Variants in CLUAP1 observed in about 807,000 individuals in gnomAD.
The protein encoded by CLUAP1 is intraflagellar transport 38, also known as clusterin-associated protein 1.
In CLUAP1, 50 loss-of-function variants were observed where a neutral mutation model predicts 55.0. The ratio of observed to expected loss-of-function variants is 0.91; its 90% confidence interval spans 0.72 to 1.15. The LOEUF (loss-of-function observed/expected upper bound fraction) is 1.15. Ranked by LOEUF, CLUAP1 falls within the 50% of genes most tolerant of loss-of-function variation. The pLI is 0.00. For missense variants in CLUAP1, 530 were observed against 507.6 expected (o/e 1.04, Z -0.42); for synonymous variants, 195 against 175.4 (o/e 1.11, Z -0.88).
Position 3,536,518 on chromosome 16 carries a change from A to G in CLUAP1, c.*247A>G, listed in dbSNP as rs527313906. ...TTATCTTCTAAAACTTGAGGAATGC[A>G]TGTGTTCTTAGTGATTCACATCCAC... On this transcript the variant is annotated 3_prime_UTR_variant, in exon 12 of 12. Coordinates refer to ENST00000576634, the MANE Select transcript of CLUAP1 (RefSeq NM_015041.3). 3 of 397,070 alleles carry G rather than the reference A, an allele frequency of 7.6e-6. No individual in the cohort carries two copies. The South Asian group carries it at 1.3e-4, about 18-fold the overall frequency. 24.6% of individuals were successfully genotyped at this position (397,070 alleles called of 1,614,324 possible).
At chr16:3,498,848 G>C (rs761701887), upstream of CLUAP1, among the ~76,000 whole-genome samples, 1 of 151,790 alleles carries the variant, frequency 6.6e-6, no homozygotes, top group Admixed American at 6.6e-5. Context: ...GTAACAGAGC[G>C]AGACTCCATC....
At chr16:3,513,385 G>T (rs1420497254) in intron 5 of CLUAP1, among the ~76,000 whole-genome samples, 1 of 152,202 alleles carries the variant, frequency 6.6e-6, no homozygotes, top group Non-Finnish European at 1.5e-5. Context: ...CAGCCAAGAA[G>T]TATGTGCCAT....
chr16:3,532,862 A>C, intron 11 of CLUAP1, 21 bp downstream of exon 11: 2 of 1,613,580 alleles, frequency 1.2e-6, no homozygotes, highest in South Asian at 2.2e-5. Flanking sequence ...CGCTCCCCTC[A>C]GTGGTTCTGT....
chr16:3,507,977 G>A (rs758865278), intron 3 of CLUAP1, among the ~76,000 whole-genome samples: 1 of 152,074 alleles, frequency 6.6e-6, no homozygotes, highest in Non-Finnish European at 1.5e-5. Flanking sequence ...GAACAGTGCT[G>A]TAACAAATAA....
Position 3,523,403 on chromosome 16 carries a change from A to C in CLUAP1, c.855+104A>C, listed in dbSNP as rs150145535. 411 of 1,323,032 alleles carry C rather than the reference A, an allele frequency of 3.1e-4. 4 individuals carry two copies. The East Asian group carries it at 8.1e-3, about 26-fold the overall frequency. 82.0% of individuals were successfully genotyped at this position (1,323,032 alleles called of 1,614,324 possible). On this transcript the variant is annotated intron_variant, in intron 8 of 11. Transcript: ENST00000576634. ...ATCATTGTGAAAAAAATATCAGTAC[A>C]TGTTTTTTCTCCCTGGTCAGTCTGA...
rs2038260940 is a variant in CLUAP1, at chr16:3,537,734, C to CA, written c.*1464dup. 6.6e-6 allele frequency: 1 copy of CA among 152,060 alleles called. No individual in the cohort carries two copies. The highest frequency in any genetic ancestry group is 2.4e-5 in the African/African-American group (1 of 41,396). The allele number at this position is 152,060 out of a possible 1,614,324, so 9.4% of individuals were successfully genotyped here. On this transcript the variant is annotated 3_prime_UTR_variant, in exon 12 of 12. Transcript: ENST00000576634. Reference sequence around the variant, plus strand: ...GTACAGTAGGTCAGGCGTGGTGGCTCATGCCTGTAATCCTAGCACTTTGAG... The same window carrying CA: ...GTACAGTAGGTCAGGCGTGGTGGCTCAATGCCTGTAATCCTAGCACTTTGAG...
upstream of CLUAP1, among the ~76,000 whole-genome samples, chr16:3,500,180 G>C (rs576487521): frequency 1.2e-4 from 19 of 152,236 alleles, no homozygotes; most frequent in African/African-American, 4.6e-4. Flanking sequence ...GACCCGCGCG[G>C]CGCGAGCGGC....
chr16:3,495,537 C>CGATG, the CLUAP1 span: 1 of 1,521,404 alleles, frequency 6.6e-7, no homozygotes, highest in Non-Finnish European at 8.8e-7. Flanking sequence ...CTTATGACAT[C>CGATG]ACGGGGAAGA....
At chr16:3,522,321 G>T (rs1276809844) in intron 7 of CLUAP1, among the ~76,000 whole-genome samples, 5 of 151,902 alleles carry the variant, frequency 3.3e-5, no homozygotes, top group Non-Finnish European at 7.4e-5. Context: ...GTGCCACCAC[G>T]CCTGGCTAAT....
At chr16:3,533,302 T>C (rs2038166044) in intron 11 of CLUAP1, 2 of 663,148 alleles carry the variant, frequency 3.0e-6, no homozygotes, top group East Asian at 2.8e-5. Flanking sequence ...GCGGGATCAC[T>C]GAAGGCCCCT....
At chr16:3,518,851 C>T (rs988554575) in intron 6 of CLUAP1, among the ~76,000 whole-genome samples, 81 of 152,226 alleles carry the variant, frequency 5.3e-4, no homozygotes, top group African/African-American at 1.8e-3. Context: ...GTCTGGGCTT[C>T]GTAGGCCATT....
chr16:3,529,843 TATA>T (rs1162567182), intron 9 of CLUAP1, among the ~76,000 whole-genome samples: 1 of 47,892 alleles, frequency 2.1e-5, no homozygotes, highest in Non-Finnish European at 3.6e-5. Flanking sequence ...TAATATATTA[TATA>T]ATATATATTT....
At chr16:3,517,328 A>G (rs1400859159) in intron 6 of CLUAP1, among the ~76,000 whole-genome samples, 1 of 151,796 alleles carries the variant, frequency 6.6e-6, no homozygotes, top group African/African-American at 2.4e-5. Context: ...ATTTTTTTAG[A>G]CGAAGTCTTG....
chr16:3,519,353 T>G (rs773122127), intron 6 of CLUAP1, among the ~76,000 whole-genome samples: 45 of 152,176 alleles, frequency 3.0e-4, no homozygotes, highest in Non-Finnish European at 5.0e-4. Flanking sequence ...TTTCTCCTCG[T>G]TTTTAGTCTG....
At chr16:3,500,082 C>G (rs1375032612), upstream of CLUAP1, among the ~76,000 whole-genome samples, 1 of 152,268 alleles carries the variant, frequency 6.6e-6, no homozygotes, top group East Asian at 1.9e-4. Flanking sequence ...CTGTGCCACG[C>G]CTGGCGGGGC....
intron 5 of CLUAP1, 156 bp from the exon 6 acceptor site, chr16:3,515,352 A>G: frequency 1.7e-6 from 1 of 574,120 alleles, no homozygotes. Flanking sequence ...AATGGAAGAC[A>G]TTATAGGAGG....
upstream of CLUAP1, among the ~76,000 whole-genome samples, chr16:3,498,777 G>A (rs774227949): frequency 2.6e-5 from 4 of 151,936 alleles, no homozygotes; most frequent in Non-Finnish European, 4.4e-5. Flanking sequence ...GGAGAATGGC[G>A]TAAACCCAGG....
chr16:3,524,888 A>C (rs745703743), intron 8 of CLUAP1, among the ~76,000 whole-genome samples: 1 of 152,212 alleles, frequency 6.6e-6, no homozygotes, highest in African/African-American at 2.4e-5. Flanking sequence ...GAATTGCCCT[A>C]TCCTTAACCT....
At chr16:3,500,814 C>T (rs1231989992), upstream of CLUAP1, 2 of 557,020 alleles carry the variant, frequency 3.6e-6, no homozygotes, top group Non-Finnish European at 6.4e-6. Flanking sequence ...CGCCCAGAAG[C>T]TGGGAAGCTT....
Sources: gnomAD v4.1 joint callset for allele counts (sites outside exome capture counted in the v4.1 genomes callset) on GRCh38, gnomAD v4.1.1 for gene constraint, MANE v1.5 for transcripts, NCBI Gene and HGNC (gene_info 2026-07-23, HGNC 2026-07-21) for gene names.